Variants in HECA observed in about 807,000 individuals in gnomAD.
The protein encoded by HECA is HECA ribonucleoprotein granule regulator.
In HECA, 13 loss-of-function variants were observed where a neutral mutation model predicts 37.6. That is an observed-to-expected ratio of 0.35 (90% CI 0.23 to 0.55). The LOEUF is 0.55. Among genes scored for constraint, HECA ranks in the 20% least tolerant of loss-of-function variants. The pLI is 0.90. For synonymous variants in HECA, 307 were observed against 291.5 expected, an observed-to-expected ratio of 1.05 and a Z score of -0.54; for missense variants, 527 against 701.9, an observed-to-expected ratio of 0.75 and a Z score of 2.82.
intron 1 of HECA, among the ~76,000 whole-genome samples, chr6:139,147,384 A>C (rs777005542): frequency 6.6e-6 from 1 of 152,108 alleles, no homozygotes; most frequent in Non-Finnish European, 1.5e-5. Context: ...CCAGCACTTT[A>C]GGAGGCTGAG....
At chr6:139,136,467 G>A (rs912841850) in intron 1 of HECA, among the ~76,000 whole-genome samples, 2 of 151,928 alleles carry the variant, frequency 1.3e-5, no homozygotes, top group Non-Finnish European at 2.9e-5. Flanking sequence ...AAGGTGCTGG[G>A]CAAACACTTA....
chr6:139,159,068 C>G (rs962811274), intron 1 of HECA: 1 of 151,922 alleles, frequency 6.6e-6, no homozygotes, highest in Admixed American at 6.6e-5. Context: ...AGCGAAACTC[C>G]CTCTCAAAAA....
In HECA at chr6:139,153,429, T is replaced by A. The variant is rs552191075; in HGVS notation, c.272-12855T>A. Reference sequence around the variant, plus strand: ...TCCATTTAAAAAATAATGTAATTTTTTTTTTTTTTTGAGAGGGAGTTTTGC... The same window carrying A: ...TCCATTTAAAAAATAATGTAATTTTATTTTTTTTTTGAGAGGGAGTTTTGC... On this transcript the variant is annotated intron_variant, in intron 1 of 3. Transcript: ENST00000367658. Among the ~76,000 whole-genome samples the A allele has an allele frequency of 9.9e-5, 15 of 152,136 alleles. No homozygotes were observed. The South Asian group carries it at 2.7e-3, about 27-fold the overall frequency.
chr6:139,155,433 A>G (rs1029072686), intron 1 of HECA, among the ~76,000 whole-genome samples: 5 of 152,178 alleles, frequency 3.3e-5, no homozygotes, highest in Non-Finnish European at 7.4e-5. Context: ...AATGTAGGGG[A>G]AAAATGAGGT....
intron 1 of HECA, 54 bp downstream of exon 1, chr6:139,135,721 C>T (rs1774426014): frequency 2.3e-6 from 2 of 856,110 alleles, no homozygotes; most frequent in South Asian, 5.3e-5. Context: ...GGGGACGGCG[C>T]GGTGGCGGGG....
At position 139,136,767 on chromosome 6, in the gene HECA, T is replaced by A. The variant is rs559015181; in HGVS notation, c.271+1100T>A. ...CTCCTGCCTCAGCCTCCCGAGTAGC[T>A]GGGATTACAGGCGCCCGCCACCACG... On this transcript the variant is annotated intron_variant, in intron 1 of 3. Transcript: ENST00000367658. Among the ~76,000 whole-genome samples the A allele has an allele frequency of 3.9e-3, 597 of 152,222 alleles. 3 individuals carry two copies. Among genetic ancestry groups the A allele is most frequent in the African/African-American group, 0.014 (564 of 41,558 alleles).
intron 1 of HECA, among the ~76,000 whole-genome samples, chr6:139,158,240 T>C (rs1426522327): frequency 6.6e-6 from 1 of 151,736 alleles, no homozygotes; most frequent in Non-Finnish European, 1.5e-5. Flanking sequence ...CGGTGGCTCA[T>C]GCCTGTAATC....
Position 139,135,530 on chromosome 6 carries a change from C to A in HECA, c.134C>A (p.Ala45Glu). Reference protein sequence around the residue: ...AAGAAAGGALAAAAGCGAAAA... With the variant: ...AAGAAAGGALEAAAGCGAAAA... ...GGAGCGGCGGCCGGGGGGGCCCTGG[C>A]GGCGGCGGCCGGTTGCGGGGCGGCG... The change falls in exon 1 of 4, where the codon GCG becomes GAG. Residue 45 changes from alanine to glutamate, a missense_variant. Ala to Glu is a moderately radical substitution (Grantham distance 107). This residue lies in a region of HECA where 172 missense variants were observed against 197.6 expected (regional missense o/e 0.87). Transcript: ENST00000367658. 1 of 983,248 alleles carries A rather than the reference C, an allele frequency of 1.0e-6. No homozygotes were observed. Among genetic ancestry groups the A allele is most frequent in the Non-Finnish European group, 1.2e-6 (1 of 830,042 alleles). The allele number at this position is 983,248 out of a possible 1,614,324, so 60.9% of individuals were successfully genotyped here. A position where few individuals can be genotyped will look rare whatever the true frequency, so the allele number is the denominator to read the frequency against.
chr6:139,161,992 A>T (rs1201860098), intron 1 of HECA, among the ~76,000 whole-genome samples: 1 of 152,218 alleles, frequency 6.6e-6, no homozygotes, highest in African/African-American at 2.4e-5. Flanking sequence ...CTAGGATTAC[A>T]GCTCTCTTTT....
chr6:139,174,594 A>G (rs372964075), intron 3 of HECA, 55 bp downstream of exon 3: 4 of 1,583,426 alleles, frequency 2.5e-6, no homozygotes, highest in Admixed American at 3.5e-5. Flanking sequence ...TCTGTCCCCA[A>G]GTGAATGTAG....
At chr6:139,142,810 T>C (rs372208016) in intron 1 of HECA, among the ~76,000 whole-genome samples, 104 of 152,206 alleles carry the variant, frequency 6.8e-4, no homozygotes, top group African/African-American at 2.3e-3. Context: ...TAGCTGGGCA[T>C]GGTGGCGGGC....
Position 139,166,703 on chromosome 6 carries a change from C to A in HECA, c.691C>A (p.Pro231Thr). The A allele has an allele frequency of 6.2e-7, 1 of 1,612,350 alleles. No homozygotes were observed. Among genetic ancestry groups the A allele is most frequent in the African/African-American group, 1.3e-5 (1 of 75,028 alleles). ...EAKKCRPPNK[P>T]QKGPSHDLPR... ...AAAAAAGTGCAGGCCCCCAAATAAG[C>A]CCCAGAAAGGCCCAAGCCACGACCT... The change falls in exon 2 of 4, where the codon CCC (proline) becomes ACC (threonine). Residue 231 changes from proline to threonine, a missense_variant. Physicochemically the swap from Pro to Thr is conservative, Grantham distance 38. This residue lies in a region of HECA where 228 missense variants were observed against 259.8 expected (regional missense o/e 0.88). Coordinates refer to ENST00000367658, the MANE Select transcript of HECA (RefSeq NM_016217.3).
At chr6:139,175,185 A>T (rs1422759922) in intron 3 of HECA, among the ~76,000 whole-genome samples, 1 of 152,236 alleles carries the variant, frequency 6.6e-6, no homozygotes, top group Non-Finnish European at 1.5e-5. Context: ...CAAATAACCT[A>T]TAGAATCACA....
At chr6:139,135,716 C>T in intron 1 of HECA, 49 bp downstream of exon 1, 1 of 895,162 alleles carries the variant, frequency 1.1e-6, no homozygotes, top group African/African-American at 1.8e-5. Context: ...CCGACGGGGA[C>T]GGCGCGGTGG....
intron 2 of HECA, 142 bp from the exon 3 acceptor site, chr6:139,174,243 C>T (rs1335110799): frequency 1.1e-6 from 1 of 916,272 alleles, no homozygotes; most frequent in East Asian, 2.8e-5. Flanking sequence ...AGCTTGTGTA[C>T]TAAATATTGA....
chr6:139,135,415 A>G lies in HECA; in HGVS notation c.19A>G (p.Ser7Gly). ...GAGCGAGATGCCCAACCCCAAAAAC[A>G]GCAAAGGCGGCCGCAAAAACAAGCG... MPNPKNSKGGRKNKRAN... is the reference protein window; with the variant it reads MPNPKNGKGGRKNKRAN... Residue 7 changes from serine to glycine, a missense_variant, in exon 1 of 4, where the codon AGC (serine) becomes GGC (glycine). By Grantham distance (56) the Ser-to-Gly change is moderately conservative. Transcript: ENST00000367658. 1 of 1,374,174 alleles carries G rather than the reference A, an allele frequency of 7.3e-7. No homozygotes were observed. Among genetic ancestry groups the G allele is most frequent in the Non-Finnish European group, 9.6e-7 (1 of 1,041,810 alleles). The allele number at this position is 1,374,174 out of a possible 1,614,324, so 85.1% of individuals were successfully genotyped here. A position where few individuals can be genotyped will look rare whatever the true frequency, so the allele number is the denominator to read the frequency against.
chr6:139,157,127 T>A (rs1286855527), intron 1 of HECA, among the ~76,000 whole-genome samples: 1 of 152,210 alleles, frequency 6.6e-6, no homozygotes, highest in Non-Finnish European at 1.5e-5. Flanking sequence ...ATGCCTCCCC[T>A]TTTTAGACCA....
Position 139,177,272 on chromosome 6 carries a change from C to A in HECA, c.*167C>A. 2.0e-6 allele frequency: 1 copy of A among 510,460 alleles called. No homozygotes were observed. The highest frequency in any genetic ancestry group is 1.9e-5 in the African/African-American group (1 of 52,640). 31.6% of individuals were successfully genotyped at this position (510,460 alleles called of 1,614,324 possible). A position where few individuals can be genotyped will look rare whatever the true frequency, so the allele number is the denominator to read the frequency against. ...GGGCTGCCCTTGCCCTGTCTTGATT[C>A]CCGAGTGTTAATCTGTGGTTTTGAC... On this transcript the variant is annotated 3_prime_UTR_variant, in exon 4 of 4. Transcript: ENST00000367658. The surrounding 1 kb of genome is among the most constrained non-coding windows in gnomAD (Gnocchi z 4.9).
intron 1 of HECA, among the ~76,000 whole-genome samples, chr6:139,158,307 C>G (rs1488033712): frequency 6.6e-6 from 1 of 151,872 alleles, no homozygotes; most frequent in Non-Finnish European, 1.5e-5. Flanking sequence ...TGGAGACCGT[C>G]CTGGAAAACA....
Sources: gnomAD v4.1 joint callset for allele counts (sites outside exome capture counted in the v4.1 genomes callset) on GRCh38, gnomAD v4.1.1 for gene constraint, gnomAD v4.1.1 regional missense constraint, Gnocchi (gnomAD v3.1) non-coding constraint, MANE v1.5 for transcripts, NCBI Gene and HGNC (gene_info 2026-07-23, HGNC 2026-07-21) for gene names.